DOP1B: variants seen among roughly 807,000 people sequenced by gnomAD.
DOP1B encodes the protein protein DOP1B.
In DOP1B, 174 loss-of-function variants were observed where a neutral mutation model predicts 233.5. The observed-to-expected ratio is 0.75, with a 90% confidence interval of 0.66 to 0.85. The LOEUF is 0.85. Among genes scored for constraint, DOP1B ranks in the 40% least tolerant of loss-of-function variants. The pLI, the probability that DOP1B is intolerant of heterozygous loss-of-function variation, is 0.00. For missense variants in DOP1B, 2,652 were observed against 2,846.6 expected (o/e 0.93, Z 1.56); for synonymous variants, 1,190 against 1,185.6 (o/e 1.00, Z -0.08).
rs371091443 is a variant in DOP1B, at chr21:36,289,224, G to A, written c.6515+18G>A. 1.2e-5 allele frequency: 20 copies of A among 1,602,824 alleles called. No individual in the cohort carries two copies. The highest frequency in any genetic ancestry group is 1.2e-4 in the African/African-American group (9 of 74,176). On this transcript the variant is annotated intron_variant, in intron 35 of 36. Transcript: ENST00000691173. ...TTTCAAATGTAAGTCAGATAGGATC[G>A]TGTGTCCTTTTTGAAGTAAGAGATT...
chr21:36,282,784 T>C (rs1477466927), intron 32 of DOP1B, among the ~76,000 whole-genome samples: 1 of 152,084 alleles, frequency 6.6e-6, no homozygotes, highest in East Asian at 2.0e-4. Flanking sequence ...GACATCAGCC[T>C]GCCCAATGTG....
intron 35 of DOP1B, 54 bp downstream of exon 35, chr21:36,289,260 C>A: frequency 6.4e-7 from 1 of 1,554,194 alleles, no homozygotes; most frequent in Non-Finnish European, 8.8e-7. Flanking sequence ...TTGTTTTTTC[C>A]TTTTAAGCAC....
chr21:36,292,253 T>TTTA lies in DOP1B; in HGVS notation c.6645+22_6645+23insATT. 11 of 1,527,708 alleles carry TTTA rather than the reference T, an allele frequency of 7.2e-6. No homozygotes were observed. The highest frequency in any genetic ancestry group is 9.6e-6 in the Non-Finnish European group (11 of 1,143,326). 94.6% of individuals were successfully genotyped at this position (1,527,708 alleles called of 1,614,324 possible). A position where few individuals can be genotyped will look rare whatever the true frequency, so the allele number is the denominator to read the frequency against. On this transcript the variant is annotated intron_variant, in intron 36 of 36. Coordinates refer to ENST00000691173, the MANE Select transcript of DOP1B (RefSeq NM_001320714.2). ...TTTGGGGTAAGTGCTTTTCTTTTCTTTTCTTTTTTTTTTTTTTTGGTGAGA... is the reference window on the plus strand; with the variant it reads ...TTTGGGGTAAGTGCTTTTCTTTTCTTTTATTCTTTTTTTTTTTTTTTGGTGAGA...
At chr21:36,252,709 A>G (rs1027906807) in intron 22 of DOP1B, among the ~76,000 whole-genome samples, 1 of 152,118 alleles carries the variant, frequency 6.6e-6, no homozygotes, top group African/African-American at 2.4e-5. Flanking sequence ...AGACGGTTTC[A>G]CCATGTTGGC....
At chr21:36,157,182 G>A (rs759436309) in intron 1 of DOP1B, among the ~76,000 whole-genome samples, 2 of 152,142 alleles carry the variant, frequency 1.3e-5, no homozygotes, top group Non-Finnish European at 2.9e-5. Flanking sequence ...AGGGCAGCGG[G>A]GAGACTGGGT....
Position 36,237,375 on chromosome 21 carries a change from C to T in DOP1B, c.2736C>T (p.Cys912=), listed in dbSNP as rs753811193. The change falls in exon 16 of 37, where the codon TGC becomes TGT. Residue 912 remains cysteine, a synonymous_variant. Transcript: ENST00000691173. ...LHCLAPTANI[C]EDIICHALLD... ...GCCTGGCCCCTACGGCCAACATCTG[C>T]GAGGACATCATCTGCCATGCCCTCC... is the stretch of plus-strand genomic sequence containing the variant. 24 of 1,614,170 alleles carry T rather than the reference C, an allele frequency of 1.5e-5. No homozygotes were observed. The highest frequency in any genetic ancestry group is 6.6e-5 in the South Asian group (6 of 91,084).
At chr21:36,240,421 A>C (rs2066880466) in intron 18 of DOP1B, among the ~76,000 whole-genome samples, 1 of 152,210 alleles carries the variant, frequency 6.6e-6, no homozygotes, top group South Asian at 2.1e-4. Context: ...TAGAGATTGC[A>C]GTGAGCTGAG....
At chr21:36,187,424 A>C (rs919350811) in intron 2 of DOP1B, among the ~76,000 whole-genome samples, 2 of 151,306 alleles carry the variant, frequency 1.3e-5, no homozygotes, top group African/African-American at 4.9e-5. Context: ...CCTCCTGAGT[A>C]GCTAGGATTA....
At chr21:36,211,479 C>T (rs190401765) in intron 5 of DOP1B, 74 bp from the exon 6 acceptor site, 134 of 1,375,546 alleles carry the variant, frequency 9.7e-5, no homozygotes, top group Middle Eastern at 7.2e-4. Flanking sequence ...TCAAGATTCC[C>T]GGGAAAGGTT....
At chr21:36,238,884 C>G (rs1240144177) in intron 17 of DOP1B, among the ~76,000 whole-genome samples, 183 bp downstream of exon 17, 1 of 152,184 alleles carries the variant, frequency 6.6e-6, no homozygotes, top group African/African-American at 2.4e-5. Flanking sequence ...GGGCAGATCA[C>G]TTGAGGCCTG....
rs1345270412 is a variant in DOP1B at position 36,278,362 on chromosome 21, T to C, written c.5969+7T>C. The C allele has an allele frequency of 3.1e-6, 5 of 1,606,046 alleles. No individual in the cohort carries two copies. Among genetic ancestry groups the C allele is most frequent in the African/African-American group, 2.7e-5 (2 of 74,606 alleles). On this transcript the variant is annotated splice_region_variant and intron_variant, in intron 30 of 36. Coordinates refer to ENST00000691173, the MANE Select transcript of DOP1B (RefSeq NM_001320714.2). ...TGGATACTTCCTGTGTTCAGTAAGA[T>C]ATGCTGTCCTGATAACAACGTGCTC...
chr21:36,199,651 T>C (rs1463170793), intron 3 of DOP1B, among the ~76,000 whole-genome samples: 1 of 152,144 alleles, frequency 6.6e-6, no homozygotes, highest in Non-Finnish European at 1.5e-5. Flanking sequence ...GTGTTCTCAT[T>C]GTTCAATCCC....
intron 5 of DOP1B, among the ~76,000 whole-genome samples, chr21:36,209,908 T>A (rs1397707881): frequency 3.3e-5 from 5 of 152,176 alleles, no homozygotes; most frequent in Admixed American, 3.3e-4. Flanking sequence ...ACCCTCTGGT[T>A]CCATTTCTCT....
In DOP1B at chr21:36,239,845, C is replaced by T. The variant is rs753573977; in HGVS notation, c.2957C>T (p.Ala986Val). 28 of 1,580,904 alleles carry T rather than the reference C, an allele frequency of 1.8e-5. No homozygotes were observed. Among genetic ancestry groups the T allele is most frequent in the African/African-American group, 1.2e-4 (9 of 74,056 alleles). The change falls in exon 18 of 37, where the codon GCG becomes GTG. Residue 986 changes from alanine (A) to valine (V), a missense_variant. Ala to Val is a moderately conservative substitution (Grantham distance 64). Coordinates refer to ENST00000691173, the MANE Select transcript of DOP1B (RefSeq NM_001320714.2). The part of the protein sequence containing the change: ...GAAAQGWLVR[A>V]LSLGDVARIL... ...GCAGCCCAGGGCTGGCTGGTGCGTGCGCTCTCCCTCGGGGACGTGGCTCGC... is the reference window on the plus strand; with the variant it reads ...GCAGCCCAGGGCTGGCTGGTGCGTGTGCTCTCCCTCGGGGACGTGGCTCGC...
At chr21:36,186,347 A>ATG (rs1287655864) in intron 2 of DOP1B, among the ~76,000 whole-genome samples, 3 of 151,992 alleles carry the variant, frequency 2.0e-5, no homozygotes, top group African/African-American at 7.3e-5. Context: ...GTGTGTATGC[A>ATG]TGTGTGTATA....
chr21:36,284,090 G>T (rs1412335993), intron 32 of DOP1B, among the ~76,000 whole-genome samples: 5 of 150,754 alleles, frequency 3.3e-5, no homozygotes, highest in Admixed American at 1.3e-4. Flanking sequence ...TGAGATTACA[G>T]GCACCAGCCA....
chr21:36,230,998 C>T lies in DOP1B; in HGVS notation c.2214C>T (p.Asp738=). 6.2e-7 allele frequency: 1 copy of T among 1,614,166 alleles called. No homozygotes were observed. Among genetic ancestry groups the T allele is most frequent in the Non-Finnish European group, 8.5e-7 (1 of 1,180,032 alleles). ...GEWDVEKVVI[D]LGGSREERRE... The stretch of plus-strand genomic sequence containing the variant: ...GGGATGTTGAGAAGGTGGTCATTGA[C>T]CTGGGGGGTTCCAGGGAGGAACGCA... Residue 738 remains aspartate, a synonymous_variant, in exon 14 of 37, where the codon GAC becomes GAT. Transcript: ENST00000691173.
At chr21:36,177,442 C>T (rs2066044241) in intron 2 of DOP1B, among the ~76,000 whole-genome samples, 1 of 152,218 alleles carries the variant, frequency 6.6e-6, no homozygotes, top group African/African-American at 2.4e-5. Flanking sequence ...TTCTTCCTTT[C>T]AGGTCTGCTG....
intron 7 of DOP1B, among the ~76,000 whole-genome samples, chr21:36,212,770 C>T (rs1311868730): frequency 6.6e-6 from 1 of 152,318 alleles, no homozygotes; most frequent in South Asian, 2.1e-4. Flanking sequence ...CTGATCAACT[C>T]TCAACATTTA....
Sources: allele counts gnomAD v4.1 joint callset (sites outside exome capture counted in the v4.1 genomes callset), GRCh38; gene constraint gnomAD v4.1.1; transcripts MANE v1.5; gene names NCBI Gene and HGNC (gene_info 2026-07-23, HGNC 2026-07-21).